The following IL3RA variants were observed in gnomAD, a reference collection of about 807,000 sequenced individuals.
IL3RA encodes the protein interleukin 3 receptor subunit alpha.
IL3RA carries 73 observed loss-of-function variants against 52.3 expected under a neutral mutation model. That is an observed-to-expected ratio of 1.40 (90% confidence interval 1.16 to 1.70). IL3RA has a LOEUF of 1.70. IL3RA is among the 40% of genes most tolerant of loss of function. The pLI is 0.00. For synonymous variants in IL3RA, 260 were observed against 194.0 expected, an observed-to-expected ratio of 1.34 and a Z score of -2.83; for missense variants, 664 against 504.4, an observed-to-expected ratio of 1.32 and a Z score of -3.03.
chrX:1,348,689 T>TCTTTCTTTC, intron 4 of IL3RA, 144 bp downstream of exon 4: 1 of 464,088 alleles, frequency 2.2e-6, no homozygotes, highest in Non-Finnish European at 3.8e-6. Context: ...TTTCTTTCTT[T>TCTTTCTTTC]CTTTTTCTTT....
intron 8 of IL3RA, among the ~76,000 whole-genome samples, chrX:1,363,174 T>C (rs1448438995): frequency 6.6e-6 from 1 of 152,138 alleles, no homozygotes; most frequent in Non-Finnish European, 1.5e-5. Flanking sequence ...ACATCTGCCA[T>C]GAACAGGTAT....
intron 2 of IL3RA, among the ~76,000 whole-genome samples, chrX:1,344,874 G>T (rs2148898359): frequency 6.7e-6 from 1 of 149,556 alleles, no homozygotes; most frequent in South Asian, 2.1e-4. Context: ...GCTGTTTTAA[G>T]ATTGTTGACC....
chrX:1,346,875 C>T (rs1221369840), intron 3 of IL3RA, among the ~76,000 whole-genome samples: 2 of 151,148 alleles, frequency 1.3e-5, no homozygotes, highest in African/African-American at 2.5e-5. Flanking sequence ...AAATCACGGC[C>T]CTTCATGCGT....
At chrX:1,379,141 C>T (rs2089001925) in intron 10 of IL3RA, among the ~76,000 whole-genome samples, 1 of 150,154 alleles carries the variant, frequency 6.7e-6, no homozygotes, top group South Asian at 2.1e-4. Flanking sequence ...CCTCGCCTGG[C>T]CCATATTATT....
At chrX:1,343,043 C>A (rs2085557160) in intron 2 of IL3RA, among the ~76,000 whole-genome samples, 1 of 151,666 alleles carries the variant, frequency 6.6e-6, no homozygotes, top group African/African-American at 2.4e-5. Flanking sequence ...CCATTGCACT[C>A]CAGCCTGGGC....
chrX:1,347,513 C>T (rs774354426), intron 3 of IL3RA, among the ~76,000 whole-genome samples: 13 of 151,362 alleles, frequency 8.6e-5, no homozygotes, highest in African/African-American at 2.2e-4. Context: ...TGGCCGGGTG[C>T]GGTGGTGAGG....
At chrX:1,348,277 C>T (rs1290053034) in intron 3 of IL3RA, among the ~76,000 whole-genome samples, 154 bp from the exon 4 acceptor site, 11 of 151,626 alleles carry the variant, frequency 7.3e-5, no homozygotes, top group Non-Finnish European at 7.4e-5. Context: ...GGCTTGAACC[C>T]GGGAGGGAGA....
At chrX:1,355,953 G>T (rs1481628543) in intron 6 of IL3RA, among the ~76,000 whole-genome samples, 1 of 152,002 alleles carries the variant, frequency 6.6e-6, no homozygotes, top group African/African-American at 2.4e-5. Context: ...GAGAACAAAA[G>T]GGTGGTTCTG....
At chrX:1,365,319 C>T in intron 9 of IL3RA, 67 bp downstream of exon 9, 3 of 671,054 alleles carry the variant, frequency 4.5e-6, no homozygotes, top group East Asian at 5.3e-5. Context: ...GAGCGGGGTG[C>T]GCGGGGTGAG....
rs1349652282 is a variant in IL3RA at position 1,382,603 on chromosome X, G to C, written c.*138G>C. The C allele has an allele frequency of 2.7e-6, 2 of 745,920 alleles. No homozygotes were observed. The highest frequency in any genetic ancestry group is 1.8e-5 in the African/African-American group (1 of 57,012). 46.2% of individuals were successfully genotyped at this position (745,920 alleles called of 1,614,324 possible). A position where few individuals can be genotyped will look rare whatever the true frequency, so the allele number is the denominator to read the frequency against. Reference sequence around the variant, plus strand: ...CGGGTGGTGGGCATGGGAGATGCCTGTGTAATTTCGTCCGAAGCTGCCAGG... The same window carrying C: ...CGGGTGGTGGGCATGGGAGATGCCTCTGTAATTTCGTCCGAAGCTGCCAGG... On this transcript the variant is annotated 3_prime_UTR_variant, in exon 12 of 12. Coordinates refer to ENST00000331035, the MANE Select transcript of IL3RA (RefSeq NM_002183.4).
chrX:1,365,177 AC>A lies in IL3RA; in HGVS notation c.800del (p.Thr267SerfsTer6), dbSNP rs1844047016. The A allele has an allele frequency of 1.2e-6, 2 of 1,611,110 alleles. No individual in the cohort carries two copies. The highest frequency in any genetic ancestry group is 3.3e-5 in the Admixed American group (2 of 59,950). Reference sequence around the variant, plus strand: ...CTCCTTCCAGCTACTCAATCCTGGAACGTACACAGTACAAATAAGAGCCCGG... The same window carrying A: ...CTCCTTCCAGCTACTCAATCCTGGAAGTACACAGTACAAATAAGAGCCCGG... ...RTSFQLLNPG[T>X]YTVQIRARER... On this transcript the variant is annotated frameshift_variant, in exon 9 of 12. Coordinates refer to ENST00000331035, the MANE Select transcript of IL3RA (RefSeq NM_002183.4). LOFTEE classifies it high-confidence loss of function.
intron 2 of IL3RA, among the ~76,000 whole-genome samples, chrX:1,344,557 G>A (rs1213635551): frequency 1.8e-4 from 28 of 151,458 alleles, no homozygotes; most frequent in Admixed American, 1.2e-3. Context: ...GACAGATCAC[G>A]AGGTCAGGAG....
intron 1 of IL3RA, 46 bp from the exon 2 acceptor site, chrX:1,341,680 CCA>C: frequency 6.7e-7 from 1 of 1,493,328 alleles, no homozygotes; most frequent in Non-Finnish European, 9.3e-7. Flanking sequence ...TACCCGCAAC[CCA>C]GTTTCACAGC....
chrX:1,358,769 G>C lies in IL3RA; in HGVS notation c.733-92G>C. ...TTCCCAGAGCCCTCACTGTTTTGCT[G>C]GTTTTCCTGGAGGGAGAAATTTGAG... On this transcript the variant is annotated intron_variant, in intron 7 of 11. Transcript: ENST00000331035. 4.9e-6 allele frequency: 7 copies of C among 1,440,536 alleles called. No individual in the cohort carries two copies. The South Asian group carries it at 8.1e-5, about 17-fold the overall frequency. The allele number at this position is 1,440,536 out of a possible 1,614,324, so 89.2% of individuals were successfully genotyped here.
intron 8 of IL3RA, among the ~76,000 whole-genome samples, chrX:1,362,328 CCTGTCTGTTTCTATCT>C (rs1299614523): frequency 2.5e-5 from 3 of 118,786 alleles, no homozygotes; most frequent in African/African-American, 9.7e-5. Flanking sequence ...TCCGTCTCTC[CCTGTCTGTTTCTATCT>C]CTGTCTCTCT....
intron 9 of IL3RA, among the ~76,000 whole-genome samples, chrX:1,366,675 G>C (rs1603448389): frequency 1.1e-4 from 2 of 17,684 alleles, no homozygotes; most frequent in Non-Finnish European, 1.8e-4. Flanking sequence ...CCGGGTGAGC[G>C]GGGTGCGCGG....
At chrX:1,363,173 A>G (rs1240022368) in intron 8 of IL3RA, among the ~76,000 whole-genome samples, 1 of 152,162 alleles carries the variant, frequency 6.6e-6, no homozygotes, top group African/African-American at 2.4e-5. Flanking sequence ...GACATCTGCC[A>G]TGAACAGGTA....
chrX:1,344,450 C>G (rs2085638091), intron 2 of IL3RA, among the ~76,000 whole-genome samples: 3 of 151,258 alleles, frequency 2.0e-5, no homozygotes, highest in Admixed American at 6.6e-5. Context: ...AACAAGCAAA[C>G]AAAAATACCC....
chrX:1,356,131 T>C lies in IL3RA; in HGVS notation c.617-90T>C. 21 of 832,770 alleles carry C rather than the reference T, an allele frequency of 2.5e-5. No homozygotes were observed. The South Asian group carries it at 3.4e-4, about 13-fold the overall frequency. 51.6% of individuals were successfully genotyped at this position (832,770 alleles called of 1,614,324 possible). A position where few individuals can be genotyped will look rare whatever the true frequency, so the allele number is the denominator to read the frequency against. ...CTCTCCAAATGCATAGGAGAAGTAA[T>C]TTGAAGTATCTCCAGAAAAAAAAAG... On this transcript the variant is annotated intron_variant, in intron 6 of 11. Coordinates refer to ENST00000331035, the MANE Select transcript of IL3RA (RefSeq NM_002183.4).
Sources: gnomAD v4.1 joint callset for allele counts (sites outside exome capture counted in the v4.1 genomes callset) on GRCh38, gnomAD v4.1.1 for gene constraint, MANE v1.5 for transcripts, NCBI Gene and HGNC (gene_info 2026-07-23, HGNC 2026-07-21) for gene names.